The following CAMK2D variants were observed in gnomAD, a reference collection of about 807,000 sequenced individuals.
CAMK2D encodes the protein calcium/calmodulin dependent protein kinase II delta, also known as calcium/calmodulin-dependent protein kinase type II subunit delta.
A neutral mutation model predicts 84.0 loss-of-function variants in CAMK2D; 37 were observed. The ratio of observed to expected loss-of-function variants is 0.44; its 90% CI spans 0.34 to 0.58. The LOEUF (loss-of-function observed/expected upper bound fraction) is 0.58, where lower values mean the gene tolerates loss of function less well. CAMK2D is among the 20% of genes least tolerant of loss of function. CAMK2D has a pLI of 0.02. For synonymous variants in CAMK2D, 202 were observed against 212.5 expected (o/e 0.95, Z 0.43); for missense variants, 448 against 652.5 (o/e 0.69, Z 3.41).
intron 3 of CAMK2D, among the ~76,000 whole-genome samples, chr4:113,612,000 A>C (rs1186983893): frequency 6.6e-6 from 1 of 152,002 alleles, no homozygotes; most frequent in Non-Finnish European, 1.5e-5. Flanking sequence ...CTTCCTTCCT[A>C]TGTCCCACCC....
intron 2 of CAMK2D, among the ~76,000 whole-genome samples, chr4:113,751,365 A>G (rs906110089): frequency 1.4e-4 from 22 of 152,224 alleles, no homozygotes; most frequent in African/African-American, 5.3e-4. Flanking sequence ...ACTATCCACA[A>G]TTTCTTTATA....
intron 18 of CAMK2D, among the ~76,000 whole-genome samples, chr4:113,459,625 T>C (rs1435596114): frequency 2.0e-5 from 3 of 149,948 alleles, no homozygotes; most frequent in South Asian, 4.2e-4. Flanking sequence ...TGAAGTGTAT[T>C]CAATCAACAT....
At chr4:113,468,861 A>G (rs1203043874) in intron 16 of CAMK2D, among the ~76,000 whole-genome samples, 1 of 152,158 alleles carries the variant, frequency 6.6e-6, no homozygotes, top group Admixed American at 6.5e-5. Flanking sequence ...TCCACTCCAG[A>G]GCTAGCCATT....
At chr4:113,658,380 T>A (rs1385155003) in intron 3 of CAMK2D, among the ~76,000 whole-genome samples, 1 of 152,198 alleles carries the variant, frequency 6.6e-6, no homozygotes, top group Admixed American at 6.5e-5. Flanking sequence ...TTATGCAGGC[T>A]ATTGGTTCCC....
At chr4:113,594,189 C>T (rs987113033) in intron 4 of CAMK2D, among the ~76,000 whole-genome samples, 4 of 152,156 alleles carry the variant, frequency 2.6e-5, no homozygotes, top group Non-Finnish European at 5.9e-5. Flanking sequence ...GAACTCACTC[C>T]TTATCACGAG....
At chr4:113,688,910 C>CAAAAAAAAAAAAAAAAAAAAAAAAAGAA (rs34196728) in intron 2 of CAMK2D, among the ~76,000 whole-genome samples, 4 of 49,716 alleles carry the variant, frequency 8.0e-5, no homozygotes, top group Admixed American at 2.8e-4. Context: ...AAAGAAGATG[C>CAAAAAAAAAAAAAAAAAAAAAAAAAGAA]AAAAAAAAAA....
chr4:113,664,673 A>T (rs1592699548), intron 2 of CAMK2D, among the ~76,000 whole-genome samples: 2 of 152,272 alleles, frequency 1.3e-5, no homozygotes, highest in East Asian at 1.9e-4. Context: ...CACAGAAGTG[A>T]TATCCCATCA....
chr4:113,506,456 T>C (rs1402108757), intron 13 of CAMK2D, among the ~76,000 whole-genome samples: 2 of 152,186 alleles, frequency 1.3e-5, no homozygotes, highest in Non-Finnish European at 2.9e-5. Context: ...TAAAACCTTT[T>C]TTTTCCTTTA....
chr4:113,735,639 G>C (rs2099579635), intron 2 of CAMK2D, among the ~76,000 whole-genome samples: 2 of 152,032 alleles, frequency 1.3e-5, no homozygotes, highest in African/African-American at 4.8e-5. Context: ...TATTATTCTA[G>C]CTGTAGTAAT....
At position 113,711,338 on chromosome 4, in the gene CAMK2D, C is replaced by T. The variant is rs554923594; in HGVS notation, c.160+47982G>A. Among the ~76,000 whole-genome samples, 17 of 151,920 alleles carry T rather than the reference C, an allele frequency of 1.1e-4. No homozygotes were observed. The East Asian group carries it at 3.3e-3, about 29-fold the overall frequency. On this transcript the variant is annotated intron_variant, in intron 2 of 20. Coordinates refer to ENST00000511664, the MANE Select transcript of CAMK2D (RefSeq NM_001321571.2). ...ACTAACATGCACATAGATAATGCCACTAAATCTCCCTTTACCCCAACTGTC... is the reference window on the plus strand; with the variant it reads ...ACTAACATGCACATAGATAATGCCATTAAATCTCCCTTTACCCCAACTGTC...
intron 16 of CAMK2D, among the ~76,000 whole-genome samples, chr4:113,498,006 G>A (rs2097965657): frequency 6.6e-6 from 1 of 152,142 alleles, no homozygotes; most frequent in Admixed American, 6.5e-5. Flanking sequence ...GATATGACAT[G>A]GTTTTGTAGA....
intron 4 of CAMK2D, among the ~76,000 whole-genome samples, chr4:113,591,782 T>C (rs568183066): frequency 6.6e-6 from 1 of 152,306 alleles, no homozygotes; most frequent in East Asian, 1.9e-4. Flanking sequence ...TTGCACATGT[T>C]GTTCTTCTTG....
At chr4:113,625,852 G>A (rs368218300) in intron 3 of CAMK2D, among the ~76,000 whole-genome samples, 1 of 151,868 alleles carries the variant, frequency 6.6e-6, no homozygotes, top group South Asian at 2.1e-4. Flanking sequence ...GGAAGCAAAG[G>A]TAGAAACACA....
Position 113,609,162 on chromosome 4 carries a change from C to T in CAMK2D, c.265G>A (p.Val89Met). ...SISEEGFHYL[V>M]FDLVTGGELF... ...AGAGTATATACTTACAAATCAAACA[C>T]CAAGTAGTGAAAGCCCTCTTCTGAT... Residue 89 changes from valine to methionine, a missense_variant, in exon 4 of 21, where the codon GTG becomes ATG. Physicochemically the swap from Val to Met is conservative, Grantham distance 21 (BLOSUM62 1). Transcript: ENST00000511664. The T allele has an allele frequency of 6.4e-7, 1 of 1,570,166 alleles. No homozygotes were observed. The highest frequency in any genetic ancestry group is 8.8e-7 in the Non-Finnish European group (1 of 1,140,268).
Position 113,724,541 on chromosome 4 carries a change from T to C in CAMK2D, c.160+34779A>G, listed in dbSNP as rs148624977. On this transcript the variant is annotated intron_variant, in intron 2 of 20. Transcript: ENST00000511664. ...CTGCCAGCCAGGTACATCTATACTC[T>C]AGGCATAAAGCACCAATAAAGTAGA... 2.2e-3 allele frequency among the ~76,000 whole-genome samples: 328 copies of C among 151,888 alleles called. 1 individual carries two copies. The highest frequency in any genetic ancestry group is 7.6e-3 in the African/African-American group (315 of 41,524).
At chr4:113,539,888 T>A (rs750503265) in intron 6 of CAMK2D, among the ~76,000 whole-genome samples, 25 of 152,200 alleles carry the variant, frequency 1.6e-4, no homozygotes, top group Non-Finnish European at 3.5e-4. Context: ...ATTTAGGCTC[T>A]AAAATGAAAT....
In CAMK2D at chr4:113,714,433, T is replaced by A. The variant is rs151320922; in HGVS notation, c.160+44887A>T. On this transcript the variant is annotated intron_variant, in intron 2 of 20. Coordinates refer to ENST00000511664, the MANE Select transcript of CAMK2D (RefSeq NM_001321571.2). ...TTATTATTCCACATAAATCAACTTA[T>A]CTACTGAACAAGTTCAGGATGCCAT... is the stretch of plus-strand genomic sequence containing the variant. Among the ~76,000 whole-genome samples, 109 of 152,236 alleles carry A rather than the reference T, an allele frequency of 7.2e-4. 1 individual carries two copies. The highest frequency in any genetic ancestry group is 2.5e-3 in the African/African-American group (106 of 41,574).
At chr4:113,642,713 A>C (rs1035843158) in intron 3 of CAMK2D, among the ~76,000 whole-genome samples, 6 of 152,148 alleles carry the variant, frequency 3.9e-5, no homozygotes, top group African/African-American at 1.4e-4. Flanking sequence ...GGTTAGAACA[A>C]GGGACATTCT....
intron 16 of CAMK2D, among the ~76,000 whole-genome samples, chr4:113,479,809 T>C (rs1263317290): frequency 6.6e-6 from 1 of 152,220 alleles, no homozygotes; most frequent in Non-Finnish European, 1.5e-5. Flanking sequence ...ATTTATGGAC[T>C]GTTTTAAATC....
Sources: gnomAD v4.1 joint callset for allele counts (sites outside exome capture counted in the v4.1 genomes callset) on GRCh38, gnomAD v4.1.1 for gene constraint, MANE v1.5 for transcripts, NCBI Gene and HGNC (gene_info 2026-07-23, HGNC 2026-07-21) for gene names.